ARHGDIB: variants seen among roughly 807,000 people sequenced by gnomAD.
ARHGDIB encodes Rho GDP dissociation inhibitor beta.
In ARHGDIB, 20 loss-of-function variants were observed where a neutral mutation model predicts 22.6. That is an observed-to-expected ratio of 0.88 (90% CI 0.62 to 1.28). The LOEUF (loss-of-function observed/expected upper bound fraction) is 1.28. Among genes scored for constraint, ARHGDIB ranks in the 50% most tolerant of loss-of-function variants. ARHGDIB has a pLI of 0.00. For synonymous variants in ARHGDIB, 114 were observed against 96.1 expected, an observed-to-expected ratio of 1.19 and a Z score of -1.09; for missense variants, 254 against 245.4, an observed-to-expected ratio of 1.04 and a Z score of -0.23.
intron 4 of ARHGDIB, among the ~76,000 whole-genome samples, chr12:14,945,072 T>C (rs1001454067): frequency 6.6e-6 from 1 of 152,202 alleles, no homozygotes; most frequent in Admixed American, 6.5e-5. Context: ...ATTTTGATTT[T>C]TACCGTTTTG....
chr12:14,960,702 C>T (rs1864392308), intron 1 of ARHGDIB, among the ~76,000 whole-genome samples: 1 of 152,174 alleles, frequency 6.6e-6, no homozygotes, highest in Admixed American at 6.5e-5. Context: ...GGGGTTTCAC[C>T]ATGTTGGTCA....
Position 14,951,457 on chromosome 12 carries a change from A to G in ARHGDIB, c.-12-733T>C, listed in dbSNP as rs1204216834. Among the ~76,000 whole-genome samples the G allele has an allele frequency of 2.0e-5, 3 of 152,204 alleles. No individual in the cohort carries two copies. In the East Asian group the frequency reaches 5.8e-4, roughly 29 times the overall value. ...TATATAAGGTTTTATATCTAAAGAT[A>G]TTCTATTCTTTTTAAATGCCACAAA... On this transcript the variant is annotated intron_variant, in intron 1 of 5. Coordinates refer to ENST00000228945, the MANE Select transcript of ARHGDIB (RefSeq NM_001175.7).
At position 14,947,921 on chromosome 12, in the gene ARHGDIB, G is replaced by T. The variant is rs149551212; in HGVS notation, c.294C>A (p.Thr98=). The change falls in exon 4 of 6, where the codon ACC becomes ACA. Residue 98 remains threonine (T), a synonymous_variant. Coordinates refer to ENST00000228945, the MANE Select transcript of ARHGDIB (RefSeq NM_001175.7). Reference sequence around the variant, plus strand: ...ATTCAGAACCTTCCTTTAACACAATGGTTTCCTTTTTGAGGGCTTCCAGAT... The same window carrying T: ...ATTCAGAACCTTCCTTTAACACAATTGTTTCCTTTTTGAGGGCTTCCAGAT... ...TGDLEALKKE[T]IVLKEGSEYR... The T allele has an allele frequency of 1.5e-5, 24 of 1,613,034 alleles. No homozygotes were observed. In the African/African-American group the frequency reaches 3.2e-4, roughly 22 times the overall value.
chr12:14,953,520 G>C (rs114442221), intron 1 of ARHGDIB, among the ~76,000 whole-genome samples: 2,369 of 152,180 alleles, frequency 0.016, 53 homozygotes, highest in African/African-American at 0.052. Context: ...CTGGAAGTTG[G>C]GCAATCTAAC....
chr12:14,949,828 G>C lies in ARHGDIB; in HGVS notation c.239C>G (p.Pro80Arg). 6.2e-7 allele frequency: 1 copy of C among 1,613,598 alleles called. No individual in the cohort carries two copies. Among genetic ancestry groups the C allele is most frequent in the Non-Finnish European group, 8.5e-7 (1 of 1,179,658 alleles). The change falls in exon 3 of 6, where the codon CCG becomes CGG. Residue 80 changes from proline (P) to arginine (R), a missense_variant. Pro to Arg is a moderately radical substitution (Grantham distance 103). Coordinates refer to ENST00000228945, the MANE Select transcript of ARHGDIB (RefSeq NM_001175.7). The part of the protein sequence containing the change: ...TRLTLVCESA[P>R]GPITMDLTGD... ...AGTAAGGTCCATGGTGATTGGTCCC[G>C]GGGCACTCTCACAAACCAGGGTGAG...
intron 2 of ARHGDIB, among the ~76,000 whole-genome samples, 196 bp downstream of exon 2, chr12:14,950,336 G>T (rs773826069): frequency 6.6e-6 from 1 of 152,168 alleles, no homozygotes; most frequent in Non-Finnish European, 1.5e-5. Context: ...CTATCTCACT[G>T]CTGACTTGCA....
At chr12:14,953,570 T>G (rs1433568882) in intron 1 of ARHGDIB, among the ~76,000 whole-genome samples, 1 of 152,040 alleles carries the variant, frequency 6.6e-6, no homozygotes, top group African/African-American at 2.4e-5. Flanking sequence ...GATTTCTTAT[T>G]TTTTTTGGAG....
intron 3 of ARHGDIB, chr12:14,948,705 A>G (rs1433537086): frequency 6.6e-6 from 1 of 152,200 alleles, no homozygotes; most frequent in East Asian, 1.9e-4. Context: ...GGGGACAGAG[A>G]CCAAGTTTTC....
chr12:14,953,931 T>A (rs1342562015), intron 1 of ARHGDIB, among the ~76,000 whole-genome samples: 3 of 146,576 alleles, frequency 2.0e-5, no homozygotes, highest in Admixed American at 1.4e-4. Context: ...CCTTCTTTCC[T>A]TCCTTCCTTC....
chr12:14,947,659 G>C (rs1864050342), intron 4 of ARHGDIB: 2 of 527,060 alleles, frequency 3.8e-6, no homozygotes, highest in Non-Finnish European at 6.8e-6. Context: ...AGATAATGAA[G>C]AGTTTAAGAA....
chr12:14,944,953 T>C (rs1289177819), intron 4 of ARHGDIB, 114 bp from the exon 5 acceptor site: 4 of 805,262 alleles, frequency 5.0e-6, no homozygotes, highest in Non-Finnish European at 7.7e-6. Context: ...AAACTAAAGA[T>C]TTAGTTCAGA....
At chr12:14,942,873 T>A in intron 5 of ARHGDIB, 152 bp from the exon 6 acceptor site, 1 of 176,652 alleles carries the variant, frequency 5.7e-6, no homozygotes, top group Non-Finnish European at 1.1e-5. Context: ...CTGAGGCATC[T>A]TTTTTTTTTT....
At position 14,949,854 on chromosome 12, in the gene ARHGDIB, C is replaced by T. The variant is rs764995297; in HGVS notation, c.213G>A (p.Arg71=). 1.2e-6 allele frequency: 2 copies of T among 1,613,436 alleles called. No individual in the cohort carries two copies. Among genetic ancestry groups the T allele is most frequent in the Admixed American group, 3.3e-5 (2 of 59,952 alleles). The change falls in exon 3 of 6, where the codon CGG becomes CGA. Residue 71 remains arginine, a synonymous_variant. Coordinates refer to ENST00000228945, the MANE Select transcript of ARHGDIB (RefSeq NM_001175.7). The part of the protein sequence containing the change: ...DPKAPNVVVT[R]LTLVCESAPG... ...GGGCACTCTCACAAACCAGGGTGAG[C>T]CGGGTGACAACGACATTGGGGGCTT...
At chr12:14,942,814 T>G (rs1863902461) in intron 5 of ARHGDIB, 93 bp from the exon 6 acceptor site, 1 of 1,122,068 alleles carries the variant, frequency 8.9e-7, no homozygotes, top group African/African-American at 1.6e-5. Context: ...CCTACAGTGA[T>G]TAAAGTCAAG....
intron 1 of ARHGDIB, among the ~76,000 whole-genome samples, chr12:14,955,250 T>C (rs1408644575): frequency 6.6e-6 from 1 of 152,182 alleles, no homozygotes; most frequent in Non-Finnish European, 1.5e-5. Flanking sequence ...ATTTTACAAG[T>C]GCAAAAACTA....
At chr12:14,951,002 G>A (rs139878340) in intron 1 of ARHGDIB, 444 of 228,248 alleles carry the variant, frequency 1.9e-3, no homozygotes, top group African/African-American at 9.4e-3. Flanking sequence ...TGTGAATAAC[G>A]TACTACGAGT....
chr12:14,960,529 G>A (rs1446380809), intron 1 of ARHGDIB, among the ~76,000 whole-genome samples: 1 of 152,144 alleles, frequency 6.6e-6, no homozygotes, highest in Non-Finnish European at 1.5e-5. Context: ...TTGAGCCAGA[G>A]TTTCGCTCTT....
intron 2 of ARHGDIB, 124 bp downstream of exon 2, chr12:14,950,408 T>C (rs891711058): frequency 5.1e-6 from 4 of 785,780 alleles, no homozygotes; most frequent in Non-Finnish European, 8.2e-6. Context: ...ATATAAATTG[T>C]GCCTCGCTCA....
intron 1 of ARHGDIB, among the ~76,000 whole-genome samples, chr12:14,955,322 A>T (rs1253657091): frequency 6.6e-6 from 1 of 152,232 alleles, no homozygotes; most frequent in African/African-American, 2.4e-5. Flanking sequence ...CTTTCCTAAT[A>T]TCACCCTATA....
Sources: gnomAD v4.1 joint callset for allele counts (sites outside exome capture counted in the v4.1 genomes callset) on GRCh38, gnomAD v4.1.1 for gene constraint, MANE v1.5 for transcripts, NCBI Gene and HGNC (gene_info 2026-07-23, HGNC 2026-07-21) for gene names.